The following NRXN3 variants were observed in gnomAD, a reference collection of about 807,000 sequenced individuals.
The protein encoded by NRXN3 is neurexin 3.
A neutral mutation model predicts 137.6 loss-of-function variants in NRXN3; 32 were observed. The observed-to-expected ratio is 0.23, with a 90% CI of 0.18 to 0.31. The LOEUF (loss-of-function observed/expected upper bound fraction) is 0.31, where lower values mean the gene tolerates loss of function less well. Among genes scored for constraint, NRXN3 ranks in the 10% least tolerant of loss-of-function variants. The pLI, the probability that NRXN3 is intolerant of heterozygous loss-of-function variation, is 1.00. For synonymous variants in NRXN3, 798 were observed against 784.5 expected, an observed-to-expected ratio of 1.02 and a Z score of -0.29; for missense variants, 1,574 against 2,062.5, an observed-to-expected ratio of 0.76 and a Z score of 4.59.
intron 16 of NRXN3, among the ~76,000 whole-genome samples, chr14:79,576,078 T>G (rs1274421105): frequency 2.6e-5 from 4 of 152,206 alleles, no homozygotes; most frequent in Non-Finnish European, 5.9e-5. Flanking sequence ...GTGTAGTTGC[T>G]TTTCTCTCTG....
At chr14:78,514,968 C>T (rs79244378) in intron 4 of NRXN3, among the ~76,000 whole-genome samples, 2,542 of 152,214 alleles carry the variant, frequency 0.017, 60 homozygotes, top group African/African-American at 0.05. Context: ...GAGCAGCTGT[C>T]ATTGCTCTGT....
At chr14:79,184,466 A>G (rs1251976382) in intron 15 of NRXN3, among the ~76,000 whole-genome samples, 1 of 152,230 alleles carries the variant, frequency 6.6e-6, no homozygotes, top group African/African-American at 2.4e-5. Flanking sequence ...TTACAAAAGT[A>G]GGTGCTATGT....
chr14:79,330,629 G>T (rs898680138), intron 15 of NRXN3, among the ~76,000 whole-genome samples: 1 of 152,148 alleles, frequency 6.6e-6, no homozygotes, highest in African/African-American at 2.4e-5. Context: ...AGAAGTAAAG[G>T]TAGGTAGCCC....
intron 16 of NRXN3, among the ~76,000 whole-genome samples, chr14:79,633,900 A>G (rs2098381608): frequency 6.6e-6 from 1 of 152,006 alleles, no homozygotes; most frequent in African/African-American, 2.4e-5. Context: ...AAGCATTCAC[A>G]TGGGCCCCCA....
At chr14:79,308,880 ATTTTATTTTATTTTT>A (rs1162906239) in intron 15 of NRXN3, among the ~76,000 whole-genome samples, 5 of 79,198 alleles carry the variant, frequency 6.3e-5, no homozygotes, top group Admixed American at 2.7e-4. Context: ...ATTTTATTTT[ATTTTATTTTATTTTT>A]TTTTATTTTA....
intron 4 of NRXN3, among the ~76,000 whole-genome samples, chr14:78,302,916 A>C (rs75845536): frequency 0.063 from 9,562 of 152,056 alleles, 934 homozygotes; most frequent in African/African-American, 0.21. Context: ...GCACTTACTC[A>C]ATTATTGCCC....
intron 15 of NRXN3, among the ~76,000 whole-genome samples, chr14:79,347,935 C>G (rs1478394344): frequency 1.3e-5 from 2 of 152,184 alleles, no homozygotes; most frequent in Non-Finnish European, 2.9e-5. Context: ...TTTTCTCACT[C>G]AAGTCCTAAC....
At chr14:78,274,239 G>T (rs2073237619) in intron 2 of NRXN3, among the ~76,000 whole-genome samples, 1 of 152,128 alleles carries the variant, frequency 6.6e-6, no homozygotes, top group African/African-American at 2.4e-5. Context: ...CCTGAGACTG[G>T]GTAATTTATA....
chr14:78,255,865 G>A (rs2069492901), intron 2 of NRXN3, among the ~76,000 whole-genome samples: 1 of 152,228 alleles, frequency 6.6e-6, no homozygotes, highest in Non-Finnish European at 1.5e-5. Context: ...GTGGATGGAT[G>A]CAGGTTCCCA....
intron 15 of NRXN3, among the ~76,000 whole-genome samples, chr14:79,087,286 C>G (rs2048307093): frequency 1.3e-5 from 2 of 152,136 alleles, no homozygotes; most frequent in African/African-American, 4.8e-5. Flanking sequence ...GGACTCTCTC[C>G]CCTGTATGCA....
intron 4 of NRXN3, among the ~76,000 whole-genome samples, chr14:78,506,769 A>G (rs2096003280): frequency 6.6e-6 from 1 of 150,884 alleles, no homozygotes; most frequent in Admixed American, 6.7e-5. Context: ...TCCTGGGCTC[A>G]AGTGATTCTC....
At chr14:78,926,006 A>C (rs950875617) in intron 10 of NRXN3, among the ~76,000 whole-genome samples, 5 of 152,240 alleles carry the variant, frequency 3.3e-5, no homozygotes, top group African/African-American at 1.2e-4. Context: ...TAATTATTAC[A>C]GTTGTTATAA....
intron 4 of NRXN3, among the ~76,000 whole-genome samples, chr14:78,356,530 C>G (rs1264270434): frequency 6.6e-6 from 1 of 152,214 alleles, no homozygotes; most frequent in Non-Finnish European, 1.5e-5. Context: ...TTCACCCAGT[C>G]TCCCTCCAAG....
chr14:79,200,151 G>A (rs1268582700), intron 15 of NRXN3: 3 of 152,196 alleles, frequency 2.0e-5, no homozygotes. Flanking sequence ...AGTTCTGAAG[G>A]TGAGAGTTTT....
intron 15 of NRXN3, among the ~76,000 whole-genome samples, chr14:79,357,130 T>G (rs2093452391): frequency 1.3e-5 from 2 of 152,140 alleles, no homozygotes; most frequent in South Asian, 4.1e-4. Context: ...TCTAATGGAG[T>G]TTGTAACTTA....
intron 15 of NRXN3, among the ~76,000 whole-genome samples, chr14:79,082,018 A>G (rs2047111119): frequency 6.6e-6 from 1 of 151,950 alleles, no homozygotes; most frequent in Non-Finnish European, 1.5e-5. Flanking sequence ...GCATAAATAT[A>G]TAAACATATA....
At chr14:79,818,447 G>A (rs1225193875) in intron 20 of NRXN3, among the ~76,000 whole-genome samples, 1 of 152,114 alleles carries the variant, frequency 6.6e-6, no homozygotes, top group Non-Finnish European at 1.5e-5. Flanking sequence ...GGAATCTAAG[G>A]ATAGAGGCTC....
intron 15 of NRXN3, among the ~76,000 whole-genome samples, chr14:79,292,841 A>G (rs1160035204): frequency 6.6e-6 from 1 of 152,228 alleles, no homozygotes; most frequent in African/African-American, 2.4e-5. Flanking sequence ...GAATGTAAAG[A>G]TCAGACATGA....
At chr14:78,988,236 A>C in intron 15 of NRXN3, 95 bp downstream of exon 15, 1 of 1,448,118 alleles carries the variant, frequency 6.9e-7, no homozygotes, top group Non-Finnish European at 9.7e-7. Context: ...GGCTCTTCTG[A>C]AAGATTCATA....
Sources: allele counts gnomAD v4.1 joint callset (sites outside exome capture counted in the v4.1 genomes callset), GRCh38; gene constraint gnomAD v4.1.1; transcripts MANE v1.5; gene names NCBI Gene and HGNC (gene_info 2026-07-23, HGNC 2026-07-21).